GPD2: variants seen among roughly 807,000 people sequenced by gnomAD.
The protein encoded by GPD2 is glycerol-3-phosphate dehydrogenase, mitochondrial.
In GPD2, 54 loss-of-function variants were observed where a neutral mutation model predicts 82.4. The observed-to-expected ratio is 0.66, with a 90% CI of 0.53 to 0.82. The LOEUF is 0.82. GPD2 is among the 40% of genes least tolerant of loss of function. The pLI, the probability that GPD2 is intolerant of heterozygous loss-of-function variation, is 0.00. For synonymous variants in GPD2, 288 were observed against 306.1 expected (o/e 0.94, Z 0.62); for missense variants, 748 against 896.2 (o/e 0.83, Z 2.11).
chr2:156,482,140 T>C (rs10195257), intron 2 of GPD2, among the ~76,000 whole-genome samples: 48,742 of 152,160 alleles, frequency 0.32, 9,256 homozygotes, highest in Non-Finnish European at 0.44. Context: ...AGCAAGTTGC[T>C]CTTGTCACTA....
chr2:156,529,733 A>G (rs2105303160), intron 6 of GPD2, among the ~76,000 whole-genome samples: 1 of 151,078 alleles, frequency 6.6e-6, no homozygotes, highest in East Asian at 2.0e-4. Context: ...AGGTTTGTCA[A>G]AGATCAGATA....
Position 156,583,018 on chromosome 2 carries a change from A to C in GPD2, c.*100A>C. 7.6e-7 allele frequency: 1 copy of C among 1,310,284 alleles called. No individual in the cohort carries two copies. The allele number at this position is 1,310,284 out of a possible 1,614,324, so 81.2% of individuals were successfully genotyped here. On this transcript the variant is annotated 3_prime_UTR_variant, in exon 17 of 17. Coordinates refer to ENST00000438166, the MANE Select transcript of GPD2 (RefSeq NM_000408.5). The stretch of plus-strand genomic sequence containing the variant: ...CCACTCTGAAATAATGAATGTGGAT[A>C]GCTGCCTTTTTTAACACTAGAAAAC...
intron 2 of GPD2, among the ~76,000 whole-genome samples, chr2:156,476,589 G>A (rs560141547): frequency 6.6e-6 from 1 of 152,286 alleles, no homozygotes; most frequent in East Asian, 1.9e-4. Flanking sequence ...GCTGAGAAAG[G>A]AAATGGAAAA....
chr2:156,580,095 GC>G (rs1343894301), intron 16 of GPD2, among the ~76,000 whole-genome samples: 1 of 152,132 alleles, frequency 6.6e-6, no homozygotes, highest in Admixed American at 6.5e-5. Flanking sequence ...GTATGCCATG[GC>G]ATATCAATGC....
At chr2:156,564,942 A>G (rs1203580663) in intron 9 of GPD2, among the ~76,000 whole-genome samples, 1 of 152,026 alleles carries the variant, frequency 6.6e-6, no homozygotes, top group East Asian at 1.9e-4. Flanking sequence ...TTGACTATCA[A>G]CTCCAGGAGT....
chr2:156,461,395 T>G (rs1682983304), intron 1 of GPD2, among the ~76,000 whole-genome samples: 1 of 152,172 alleles, frequency 6.6e-6, no homozygotes, highest in South Asian at 2.1e-4. Flanking sequence ...ACTTTTTTGT[T>G]TGTTTGTTTT....
chr2:156,519,783 G>A (rs2105285311), intron 6 of GPD2, among the ~76,000 whole-genome samples: 1 of 152,366 alleles, frequency 6.6e-6, no homozygotes, highest in Admixed American at 6.5e-5. Context: ...GGAGCACCCA[G>A]GCAAACAGGT....
intron 3 of GPD2, among the ~76,000 whole-genome samples, chr2:156,506,941 C>T (rs1369224977): frequency 6.6e-6 from 1 of 152,170 alleles, no homozygotes; most frequent in Non-Finnish European, 1.5e-5. Flanking sequence ...CACCCTGGTT[C>T]CCCAGAATGG....
intron 9 of GPD2, among the ~76,000 whole-genome samples, chr2:156,564,329 C>A (rs1338921726): frequency 6.6e-6 from 1 of 152,130 alleles, no homozygotes; most frequent in Admixed American, 6.6e-5. Flanking sequence ...TATAGATATC[C>A]CAATGATACT....
At chr2:156,543,881 A>C (rs1686424078) in intron 6 of GPD2, among the ~76,000 whole-genome samples, 1 of 152,198 alleles carries the variant, frequency 6.6e-6, no homozygotes, top group South Asian at 2.1e-4. Flanking sequence ...TGGCACAAAC[A>C]AATCACCTTT....
At chr2:156,560,109 C>T (rs1217915429) in intron 9 of GPD2, among the ~76,000 whole-genome samples, 1 of 152,150 alleles carries the variant, frequency 6.6e-6, no homozygotes, top group Non-Finnish European at 1.5e-5. Context: ...AGTTCAAATG[C>T]AGCGAGGATG....
chr2:156,516,471 C>T (rs1388760855), intron 6 of GPD2, among the ~76,000 whole-genome samples: 1 of 152,176 alleles, frequency 6.6e-6, no homozygotes, highest in African/African-American at 2.4e-5. Context: ...CAGAGTCTTG[C>T]CCTGTCACCC....
intron 1 of GPD2, among the ~76,000 whole-genome samples, chr2:156,463,764 T>C (rs934568483): frequency 6.6e-6 from 1 of 152,202 alleles, no homozygotes; most frequent in African/African-American, 2.4e-5. Context: ...TGGGAAAGAC[T>C]ATAGAGTTCT....
chr2:156,547,733 C>T (rs1427079468), intron 6 of GPD2, among the ~76,000 whole-genome samples: 3 of 152,200 alleles, frequency 2.0e-5, no homozygotes, highest in Admixed American at 6.5e-5. Context: ...GAACTATAAC[C>T]TATACTGCTC....
At chr2:156,471,438 A>G (rs1221230168) in intron 1 of GPD2, among the ~76,000 whole-genome samples, 1 of 152,222 alleles carries the variant, frequency 6.6e-6, no homozygotes, top group Non-Finnish European at 1.5e-5. Flanking sequence ...AGGATATCAT[A>G]GAAATATTTT....
chr2:156,475,615 G>A (rs965737043), intron 1 of GPD2, among the ~76,000 whole-genome samples: 2 of 152,294 alleles, frequency 1.3e-5, no homozygotes, highest in African/African-American at 4.8e-5. Flanking sequence ...AACTTGGGAA[G>A]GGAGTCTTAC....
chr2:156,558,765 CTTTT>C (rs34524248), intron 9 of GPD2, among the ~76,000 whole-genome samples: 2 of 40,866 alleles, frequency 4.9e-5, no homozygotes, highest in Non-Finnish European at 8.3e-5. Context: ...GCCCAGCTAA[CTTTT>C]TTTTTTTTTT....
At chr2:156,576,392 G>A (rs1443091101) in intron 13 of GPD2, among the ~76,000 whole-genome samples, 1 of 151,756 alleles carries the variant, frequency 6.6e-6, no homozygotes, top group Non-Finnish European at 1.5e-5. Flanking sequence ...GTTTTATATA[G>A]TAGTTCTAGA....
At chr2:156,403,845 C>G in the GPD2 span, among the ~76,000 whole-genome samples, 1 of 152,088 alleles carries the variant, frequency 6.6e-6, no homozygotes, top group African/African-American at 2.4e-5. Flanking sequence ...GGGTATGTGA[C>G]TAAATCTGGG....
Sources: gnomAD v4.1 joint callset for allele counts (sites outside exome capture counted in the v4.1 genomes callset) on GRCh38, gnomAD v4.1.1 for gene constraint, MANE v1.5 for transcripts, NCBI Gene and HGNC (gene_info 2026-07-23, HGNC 2026-07-21) for gene names.